The following NR1H4 variants were observed in gnomAD, a reference collection of about 807,000 sequenced individuals.
NR1H4 encodes bile acid receptor.
Under a neutral mutation model 58.5 loss-of-function variants are expected in NR1H4, and 23 were observed. That is an observed-to-expected ratio of 0.39 (90% confidence interval 0.28 to 0.56). The LOEUF is 0.56. Among genes scored for constraint, NR1H4 ranks in the 20% least tolerant of loss-of-function variants. The probability of loss-of-function intolerance (pLI) is 0.58; values close to 1 mark genes in which losing one functional copy is unlikely to be tolerated. For synonymous variants in NR1H4, 214 were observed against 198.0 expected (o/e 1.08, Z -0.68); for missense variants, 487 against 576.9 (o/e 0.84, Z 1.60).
rs143463621 is a variant in NR1H4 at position 100,482,532 on chromosome 12, G to A, written c.-190+8473G>A. Among the ~76,000 whole-genome samples the A allele has an allele frequency of 2.8e-3, 419 of 152,336 alleles. 1 individual carries two copies. Among genetic ancestry groups the A allele is most frequent in the Non-Finnish European group, 4.8e-3 (326 of 68,036 alleles). On this transcript the variant is annotated intron_variant, in intron 1 of 10. Coordinates refer to ENST00000392986, the MANE Select transcript of NR1H4 (RefSeq NM_001206979.2). ...CTAAGATGTACCTGGCTGGCATTGT[G>A]CAAGGCATTGGAGATCCAATGTAAT...
intron 9 of NR1H4, among the ~76,000 whole-genome samples, chr12:100,545,746 T>C (rs1231226273): frequency 6.6e-6 from 1 of 151,302 alleles, no homozygotes; most frequent in Non-Finnish European, 1.5e-5. Flanking sequence ...CAGCACCTAC[T>C]GTGTGTCAGG....
chr12:100,539,177 G>T (rs1292468821), intron 8 of NR1H4, among the ~76,000 whole-genome samples: 2 of 152,130 alleles, frequency 1.3e-5, no homozygotes, highest in African/African-American at 4.8e-5. Context: ...TACAATTAGT[G>T]TGTGTTCAAT....
At chr12:100,487,595 C>CTTCTT (rs1555330922) in intron 1 of NR1H4, among the ~76,000 whole-genome samples, 54 of 115,976 alleles carry the variant, frequency 4.7e-4, no homozygotes, top group African/African-American at 1.5e-3. Flanking sequence ...TCTTCTTCTT[C>CTTCTT]TTTTTTTTTT....
intron 1 of NR1H4, among the ~76,000 whole-genome samples, chr12:100,487,101 C>T: frequency 6.6e-6 from 1 of 152,086 alleles, no homozygotes; most frequent in African/African-American, 2.4e-5. Flanking sequence ...TAAATTACTG[C>T]TAATCAGAGT....
chr12:100,504,711 T>C (rs1953917360), intron 3 of NR1H4, among the ~76,000 whole-genome samples: 1 of 152,156 alleles, frequency 6.6e-6, no homozygotes, highest in Admixed American at 6.6e-5. Context: ...AACAGAAGCT[T>C]AAAGAAGTTC....
At position 100,561,323 on chromosome 12, in the gene NR1H4, G is replaced by A. The variant is rs550650838; in HGVS notation, c.1079-562G>A. 4.3e-3 allele frequency among the ~76,000 whole-genome samples: 657 copies of A among 152,200 alleles called. 4 individuals are homozygous for A. Among genetic ancestry groups the A allele is most frequent in the African/African-American group, 0.015 (624 of 41,526 alleles). ...TGAGGCAGGAGAATGGCGGGAACCC[G>A]GGAGGCGGAGCTTGCTGTAAGCCGA... On this transcript the variant is annotated intron_variant, in intron 9 of 10. Transcript: ENST00000392986.
intron 9 of NR1H4, among the ~76,000 whole-genome samples, chr12:100,544,758 T>A (rs1955020091): frequency 6.6e-6 from 1 of 152,170 alleles, no homozygotes. Flanking sequence ...TTCAGATGGT[T>A]GTTTCCCTGA....
intron 3 of NR1H4, among the ~76,000 whole-genome samples, chr12:100,508,156 C>A (rs1432055732): frequency 6.6e-6 from 1 of 151,808 alleles, no homozygotes; most frequent in Non-Finnish European, 1.5e-5. Flanking sequence ...AGAAGCAATA[C>A]CCACAGGGAA....
chr12:100,555,461 G>T (rs1955301084), intron 9 of NR1H4, among the ~76,000 whole-genome samples: 1 of 152,118 alleles, frequency 6.6e-6, no homozygotes, highest in Admixed American at 6.5e-5. Flanking sequence ...GAATTTGTTG[G>T]TTTTTTAAAA....
chr12:100,541,537 C>G (rs117927130), intron 9 of NR1H4, among the ~76,000 whole-genome samples: 2 of 152,148 alleles, frequency 1.3e-5, no homozygotes, highest in East Asian at 3.9e-4. Context: ...CTGACTTGGC[C>G]TTCCAAAGTG....
chr12:100,479,529 T>A (rs1953335884), intron 1 of NR1H4, among the ~76,000 whole-genome samples: 1 of 152,186 alleles, frequency 6.6e-6, no homozygotes, highest in Non-Finnish European at 1.5e-5. Context: ...CATGCTATTT[T>A]CCCTTCCTAT....
At chr12:100,540,642 G>C in intron 8 of NR1H4, 30 bp from the exon 9 acceptor site, 1 of 1,609,622 alleles carries the variant, frequency 6.2e-7, no homozygotes, top group East Asian at 2.2e-5. Flanking sequence ...GTTACTCCTT[G>C]ATACCAATTT....
chr12:100,545,129 TA>T (rs373773575), intron 9 of NR1H4, among the ~76,000 whole-genome samples: 1 of 151,546 alleles, frequency 6.6e-6, no homozygotes, highest in Admixed American at 6.6e-5. Context: ...CAGCTTCCTT[TA>T]AAAAAAAATC....
rs530967830 is a variant in NR1H4 at position 100,550,893 on chromosome 12, T to C, written c.1078+10075T>C. 9.2e-5 allele frequency among the ~76,000 whole-genome samples: 14 copies of C among 152,324 alleles called. 1 individual carries two copies. The highest frequency in any genetic ancestry group is 3.4e-4 in the African/African-American group (14 of 41,576). On this transcript the variant is annotated intron_variant, in intron 9 of 10. Transcript: ENST00000392986. ...TTTGTTTTCACATGCATTATCCTGT[T>C]AGTGCTGCTCCCAATGGCCCTCACT... is the stretch of plus-strand genomic sequence containing the variant.
chr12:100,485,412 C>T (rs113742493), intron 1 of NR1H4, among the ~76,000 whole-genome samples: 1 of 152,168 alleles, frequency 6.6e-6, no homozygotes, highest in Non-Finnish European at 1.5e-5. Flanking sequence ...ATATGTAGCA[C>T]TGCTTTGCAT....
chr12:100,525,588 A>C (rs529913772), intron 4 of NR1H4, among the ~76,000 whole-genome samples: 2 of 152,310 alleles, frequency 1.3e-5, no homozygotes, highest in South Asian at 4.1e-4. Context: ...AAAAAGAAAA[A>C]TGAGAAAAAA....
chr12:100,546,203 A>G (rs1278668520), intron 9 of NR1H4, among the ~76,000 whole-genome samples: 1 of 152,152 alleles, frequency 6.6e-6, no homozygotes. Flanking sequence ...CTCCATGGCT[A>G]ACATTTTGCT....
chr12:100,544,604 TTTC>T (rs1230365854), intron 9 of NR1H4, among the ~76,000 whole-genome samples: 4 of 152,314 alleles, frequency 2.6e-5, no homozygotes, highest in African/African-American at 9.6e-5. Context: ...AAGACAGGGT[TTTC>T]TTCTTTTTGA....
At chr12:100,550,209 A>G (rs1039368731) in intron 9 of NR1H4, among the ~76,000 whole-genome samples, 2 of 152,166 alleles carry the variant, frequency 1.3e-5, no homozygotes, top group Non-Finnish European at 2.9e-5. Context: ...GTTTCTATAC[A>G]ATTCTAGTGC....
Sources: allele counts gnomAD v4.1 joint callset (sites outside exome capture counted in the v4.1 genomes callset), GRCh38; gene constraint gnomAD v4.1.1; transcripts MANE v1.5; gene names NCBI Gene and HGNC (gene_info 2026-07-23, HGNC 2026-07-21).